FRMPD1: variants seen among roughly 807,000 people sequenced by gnomAD.
FRMPD1 encodes the protein FERM and PDZ domain containing 1.
Under a neutral mutation model 117.8 loss-of-function variants are expected in FRMPD1, and 76 were observed. That is an observed-to-expected ratio of 0.65 (90% CI 0.54 to 0.78). The LOEUF is 0.78. FRMPD1 is among the 30% of genes least tolerant of loss of function. The probability of loss-of-function intolerance (pLI) is 0.00; values close to 1 mark genes in which losing one functional copy is unlikely to be tolerated. For synonymous variants in FRMPD1, 783 were observed against 770.4 expected (o/e 1.02, Z -0.27); for missense variants, 1,786 against 1,964.5 (o/e 0.91, Z 1.72).
At chr9:37,667,212 G>A (rs1034915471) in intron 1 of FRMPD1, among the ~76,000 whole-genome samples, 4 of 151,304 alleles carry the variant, frequency 2.6e-5, no homozygotes, top group Admixed American at 1.3e-4. Flanking sequence ...CCACAGGTGC[G>A]CACCACCAAG....
chr9:37,659,554 G>A (rs1306308294), intron 1 of FRMPD1, among the ~76,000 whole-genome samples: 1 of 152,134 alleles, frequency 6.6e-6, no homozygotes, highest in East Asian at 1.9e-4. Flanking sequence ...CTCAGACGTA[G>A]GGAAGATCCC....
In FRMPD1 at chr9:37,745,304, C is replaced by T; in HGVS notation, c.3272C>T (p.Pro1091Leu). ...AGAAGTGATGAATGTGGAATAAATC[C>T]AGGAGAGAAGATAGCTTCTATCCCT... is the stretch of plus-strand genomic sequence containing the variant. ...EPRSDECGIN[P>L]GEKIASIPTK... The change falls in exon 16 of 16, where the codon CCA (proline) becomes CTA (leucine). Residue 1091 changes from proline (P) to leucine (L), a missense_variant. Physicochemically the swap from Pro to Leu is moderately conservative, Grantham distance 98. Coordinates refer to ENST00000377765, the MANE Select transcript of FRMPD1 (RefSeq NM_014907.3). The T allele has an allele frequency of 4.3e-6, 7 of 1,610,058 alleles. No homozygotes were observed. Among genetic ancestry groups the T allele is most frequent in the Non-Finnish European group, 6.0e-6 (7 of 1,176,340 alleles).
In FRMPD1 at chr9:37,746,861, T is replaced by G. The variant is rs921370450; in HGVS notation, c.*92T>G. 4.9e-5 allele frequency: 40 copies of G among 809,124 alleles called. 1 individual carries two copies. Among genetic ancestry groups the G allele is most frequent in the South Asian group, 9.7e-5 (6 of 61,624 alleles). The allele number at this position is 809,124 out of a possible 1,614,324, so 50.1% of individuals were successfully genotyped here. A position where few individuals can be genotyped will look rare whatever the true frequency, so the allele number is the denominator to read the frequency against. On this transcript the variant is annotated 3_prime_UTR_variant, in exon 16 of 16. Transcript: ENST00000377765. Reference sequence around the variant, plus strand: ...CACTCTCCCACCCACCCTCTTCAAATGTTTACTATATAGAGTATTCAAATA... The same window carrying G: ...CACTCTCCCACCCACCCTCTTCAAAGGTTTACTATATAGAGTATTCAAATA...
chr9:37,636,800 A>G, the FRMPD1 span: 1 of 1,611,728 alleles, frequency 6.2e-7, no homozygotes, highest in Non-Finnish European at 8.5e-7. Flanking sequence ...CTCAGCAGCC[A>G]TGGTCATGAA....
chr9:37,628,433 G>C, the FRMPD1 span, among the ~76,000 whole-genome samples: 38 of 152,168 alleles, frequency 2.5e-4, no homozygotes, highest in Admixed American at 1.3e-3. Flanking sequence ...TGTAGACAGA[G>C]AGAAAAAAGA....
intron 7 of FRMPD1, among the ~76,000 whole-genome samples, chr9:37,725,192 A>G (rs1186782346): frequency 6.6e-6 from 1 of 152,242 alleles, no homozygotes; most frequent in Non-Finnish European, 1.5e-5. Context: ...AGGCAACAAT[A>G]GAGCTTGAGT....
chr9:37,743,788 C>G (rs1299302800), intron 15 of FRMPD1, among the ~76,000 whole-genome samples: 3 of 151,166 alleles, frequency 2.0e-5, no homozygotes, highest in African/African-American at 7.3e-5. Flanking sequence ...ATCCAAGCAC[C>G]TTGGGAGGCT....
At chr9:37,657,025 T>C (rs1206192540) in intron 1 of FRMPD1, among the ~76,000 whole-genome samples, 3 of 152,222 alleles carry the variant, frequency 2.0e-5, no homozygotes, top group African/African-American at 7.2e-5. Context: ...TCTGAGAACC[T>C]CAGCTGCTTC....
chr9:37,709,011 A>G (rs1343022076), intron 4 of FRMPD1, among the ~76,000 whole-genome samples: 2 of 152,134 alleles, frequency 1.3e-5, no homozygotes, highest in African/African-American at 4.8e-5. Context: ...TGACTTATGA[A>G]AATGCCTCGC....
chr9:37,689,688 C>T (rs777105650), intron 1 of FRMPD1, among the ~76,000 whole-genome samples: 3 of 152,164 alleles, frequency 2.0e-5, no homozygotes, highest in Non-Finnish European at 4.4e-5. Flanking sequence ...AGCACATCCT[C>T]TGTCAGCATC....
chr9:37,728,827 G>A (rs978090925), intron 7 of FRMPD1, among the ~76,000 whole-genome samples: 2 of 152,048 alleles, frequency 1.3e-5, no homozygotes, highest in African/African-American at 4.8e-5. Flanking sequence ...GCTGGGCGTG[G>A]TGGCGCACAC....
the FRMPD1 span, among the ~76,000 whole-genome samples, chr9:37,642,831 ATGT>A: frequency 6.6e-6 from 1 of 152,164 alleles, no homozygotes; most frequent in Non-Finnish European, 1.5e-5. Context: ...TAACTCTGCT[ATGT>A]TGTTATTTCT....
At chr9:37,640,079 C>T in the FRMPD1 span, among the ~76,000 whole-genome samples, 1 of 152,182 alleles carries the variant, frequency 6.6e-6, no homozygotes, top group African/African-American at 2.4e-5. Context: ...CCTCTGGCCT[C>T]AAGCAAATGG....
chr9:37,701,282 C>G (rs10511940), intron 2 of FRMPD1, among the ~76,000 whole-genome samples: 51,322 of 152,114 alleles, frequency 0.34, 9,446 homozygotes, highest in Non-Finnish European at 0.43. Context: ...TAACCCTACT[C>G]TATGGCTGGT....
At chr9:37,720,531 G>C (rs185195878) in intron 6 of FRMPD1, among the ~76,000 whole-genome samples, 2 of 152,310 alleles carry the variant, frequency 1.3e-5, no homozygotes, top group East Asian at 1.9e-4. Flanking sequence ...CGGGCGTGGT[G>C]GTGGGCACCT....
At chr9:37,721,016 T>G (rs1208976681) in intron 6 of FRMPD1, among the ~76,000 whole-genome samples, 1 of 152,148 alleles carries the variant, frequency 6.6e-6, no homozygotes, top group East Asian at 1.9e-4. Context: ...GTGGACAGGG[T>G]CACCTGGTTG....
At chr9:37,608,143 C>T in the FRMPD1 span, among the ~76,000 whole-genome samples, 1 of 152,234 alleles carries the variant, frequency 6.6e-6, no homozygotes, top group African/African-American at 2.4e-5. Flanking sequence ...GTCTTCCCCA[C>T]AGGGTCCTTG....
chr9:37,608,615 C>T, the FRMPD1 span, among the ~76,000 whole-genome samples: 2 of 152,172 alleles, frequency 1.3e-5, no homozygotes, highest in East Asian at 3.9e-4. Context: ...GTAGCTGGAA[C>T]TATAGGCACT....
At chr9:37,616,005 C>T in the FRMPD1 span, among the ~76,000 whole-genome samples, 16 of 150,348 alleles carry the variant, frequency 1.1e-4, no homozygotes, top group Middle Eastern at 3.4e-3. Flanking sequence ...TTAGTAGAGA[C>T]GGGGTTTCAC....
Sources: gnomAD v4.1 joint callset for allele counts (sites outside exome capture counted in the v4.1 genomes callset) on GRCh38, gnomAD v4.1.1 for gene constraint, MANE v1.5 for transcripts, NCBI Gene and HGNC (gene_info 2026-07-23, HGNC 2026-07-21) for gene names.